TLE4: variants seen among roughly 807,000 people sequenced by gnomAD.
The protein encoded by TLE4 is TLE family member 4, transcriptional corepressor.
A neutral mutation model predicts 92.8 loss-of-function variants in TLE4; 8 were observed. That is an observed-to-expected ratio of 0.09 (90% CI 0.05 to 0.16). TLE4 has a LOEUF of 0.16. TLE4 is among the 10% of genes least tolerant of loss of function. The pLI, the probability that TLE4 is intolerant of heterozygous loss-of-function variation, is 1.00. For synonymous variants in TLE4, 371 were observed against 374.1 expected, an observed-to-expected ratio of 0.99 and a Z score of 0.10; for missense variants, 675 against 997.6, an observed-to-expected ratio of 0.68 and a Z score of 4.36.
chr9:79,628,906 GTGTA>G lies in TLE4; in HGVS notation c.390+1460_390+1463del, dbSNP rs570577021. On this transcript the variant is annotated intron_variant, in intron 6 of 19. Coordinates refer to ENST00000376552, the MANE Select transcript of TLE4 (RefSeq NM_007005.6). ...TGTGTGTGTGTGTGTGTGTGTGTGT[GTGTA>G]TATGTATAAACCAGCTGTGCTCCAT... is the stretch of plus-strand genomic sequence containing the variant. Among the ~76,000 whole-genome samples the G allele has an allele frequency of 6.1e-3, 905 of 148,132 alleles. 3 individuals are homozygous for G. The highest frequency in any genetic ancestry group is 7.9e-3 in the Non-Finnish European group (529 of 66,746).
rs184220887 is a variant in TLE4 at position 79,629,996 on chromosome 9, G to A, written c.390+2548G>A. ...GTCAGTTTTTAGATTTTTGTTACTT[G>A]GTTTTTAGAATGTAGTCAGCAGTGA... On this transcript the variant is annotated intron_variant, in intron 6 of 19. Transcript: ENST00000376552. Among the ~76,000 whole-genome samples, 691 of 152,142 alleles carry A rather than the reference G, an allele frequency of 4.5e-3. 5 individuals carry two copies. The highest frequency in any genetic ancestry group is 0.017 in the Middle Eastern group (5 of 294).
chr9:79,660,954 TG>T (rs2060452583), intron 8 of TLE4, among the ~76,000 whole-genome samples: 1 of 152,210 alleles, frequency 6.6e-6, no homozygotes, highest in Non-Finnish European at 1.5e-5. Flanking sequence ...CCAGCTGATT[TG>T]GCAAAATGGT....
chr9:79,618,321 T>C (rs2050136043), intron 5 of TLE4, among the ~76,000 whole-genome samples: 1 of 152,264 alleles, frequency 6.6e-6, no homozygotes, highest in Admixed American at 6.5e-5. Flanking sequence ...ACATAAGATA[T>C]AAAATAATGC....
At chr9:79,707,415 A>G (rs1355150046) in intron 11 of TLE4, among the ~76,000 whole-genome samples, 1 of 152,172 alleles carries the variant, frequency 6.6e-6, no homozygotes, top group Admixed American at 6.5e-5. Context: ...CCTGCACCCT[A>G]TTCTTCTGTG....
chr9:79,598,528 G>A (rs1171163578), intron 4 of TLE4, among the ~76,000 whole-genome samples: 1 of 152,094 alleles, frequency 6.6e-6, no homozygotes, highest in Non-Finnish European at 1.5e-5. Context: ...CAGGGAAATA[G>A]TCCTCTAAAA....
At chr9:79,693,426 T>C (rs2135578328) in intron 8 of TLE4, among the ~76,000 whole-genome samples, 1 of 152,310 alleles carries the variant, frequency 6.6e-6, no homozygotes, top group South Asian at 2.1e-4. Context: ...CTCAAATGTC[T>C]GTGACATGCC....
chr9:79,601,296 A>G, intron 4 of TLE4: 2 of 441,706 alleles, frequency 4.5e-6, no homozygotes, highest in Non-Finnish European at 9.2e-6. Flanking sequence ...AACTAAATAA[A>G]CCATATCAGA....
At chr9:79,641,518 C>T (rs1039371362) in intron 6 of TLE4, among the ~76,000 whole-genome samples, 1 of 152,194 alleles carries the variant, frequency 6.6e-6, no homozygotes, top group Non-Finnish European at 1.5e-5. Flanking sequence ...CCATTGCTCA[C>T]TGGATTCTCA....
chr9:79,640,766 G>A (rs935403724), intron 6 of TLE4, among the ~76,000 whole-genome samples: 9 of 151,972 alleles, frequency 5.9e-5, no homozygotes, highest in East Asian at 5.8e-4. Flanking sequence ...CCTACTAGCC[G>A]GTCTCCTGCC....
intron 6 of TLE4, among the ~76,000 whole-genome samples, chr9:79,643,727 C>T (rs1298710088): frequency 1.3e-5 from 2 of 152,118 alleles, no homozygotes; most frequent in Admixed American, 6.5e-5. Flanking sequence ...GCTAGGTGAT[C>T]CATGGGGTGA....
rs1189630984 is a variant in TLE4, at chr9:79,708,678, G to C, written c.1155G>C (p.Glu385Asp). 2.5e-6 allele frequency: 4 copies of C among 1,614,030 alleles called. No individual in the cohort carries two copies. In the Admixed American group the frequency reaches 5.0e-5, roughly 20 times the overall value. ...GIVPHAGMNG[E>D]LTSPGAAYAG... is the part of the protein sequence containing the mutation. ...TGCCCCATGCTGGAATGAACGGAGA[G>C]CTGACCAGCCCCGGAGCGGCCTACG... The change falls in exon 13 of 20, where the codon GAG becomes GAC. Residue 385 changes from glutamate (E) to aspartate (D), a missense_variant. Glu to Asp is a conservative substitution (Grantham distance 45). Around this residue, in one of 5 missense-constraint regions of TLE4, gnomAD observed 119 missense variants for 175.9 expected, o/e 0.68. Transcript: ENST00000376552.
At chr9:79,693,354 CT>C (rs1318605353) in intron 8 of TLE4, among the ~76,000 whole-genome samples, 2 of 152,166 alleles carry the variant, frequency 1.3e-5, no homozygotes, top group Non-Finnish European at 2.9e-5. Context: ...CCTCTCCAGT[CT>C]ACTCTCTATT....
intron 4 of TLE4, among the ~76,000 whole-genome samples, chr9:79,580,625 T>C (rs1052950226): frequency 6.6e-5 from 10 of 152,128 alleles, no homozygotes; most frequent in Non-Finnish European, 1.2e-4. Context: ...TTCTGTCTTA[T>C]TGTGTACTCT....
intron 8 of TLE4, among the ~76,000 whole-genome samples, chr9:79,659,135 G>A (rs573568482): frequency 1.3e-5 from 2 of 152,308 alleles, no homozygotes; most frequent in East Asian, 3.9e-4. Flanking sequence ...AGGTTTAGAA[G>A]TGTGAAGACC....
At chr9:79,574,770 T>C in intron 2 of TLE4, 103 bp from the exon 3 acceptor site, 1 of 924,810 alleles carries the variant, frequency 1.1e-6, no homozygotes, top group Non-Finnish European at 1.7e-6. Flanking sequence ...TTATTTAAGA[T>C]TGTTGATTTA....
intron 8 of TLE4, among the ~76,000 whole-genome samples, chr9:79,686,112 C>T (rs1169378603): frequency 6.6e-6 from 1 of 151,924 alleles, no homozygotes; most frequent in Admixed American, 6.6e-5. Flanking sequence ...TTAAAATATA[C>T]AGGAGGATGT....
At chr9:79,657,910 A>G (rs2059987774) in intron 8 of TLE4, among the ~76,000 whole-genome samples, 1 of 152,176 alleles carries the variant, frequency 6.6e-6, no homozygotes, top group Non-Finnish European at 1.5e-5. Flanking sequence ...CTTTTCATGT[A>G]TCTGCCTGGT....
At position 79,720,143 on chromosome 9, in the gene TLE4, C is replaced by A; in HGVS notation, c.1688C>A (p.Ala563Glu). The A allele has an allele frequency of 6.2e-7, 1 of 1,614,122 alleles. No homozygotes were observed. Among genetic ancestry groups the A allele is most frequent in the Non-Finnish European group, 8.5e-7 (1 of 1,180,016 alleles). ...AGTACTTTGTCCATTTGGGACCTGGCGGCTCCAACCCCACGCATCAAGGCA... is the reference window on the plus strand; with the variant it reads ...AGTACTTTGTCCATTTGGGACCTGGAGGCTCCAACCCCACGCATCAAGGCA... ...EASTLSIWDLAAPTPRIKAEL... is the reference protein window; with the variant it reads ...EASTLSIWDLEAPTPRIKAEL... The change falls in exon 16 of 20, where the codon GCG becomes GAG. Residue 563 changes from alanine to glutamate, a missense_variant. This residue lies in a region of TLE4 where 170 missense variants were observed against 359.6 expected (regional missense o/e 0.47). Transcript: ENST00000376552.
chr9:79,681,767 G>GGGAGGGA (rs2064664724), intron 8 of TLE4, among the ~76,000 whole-genome samples: 1 of 151,678 alleles, frequency 6.6e-6, no homozygotes, highest in Non-Finnish European at 1.5e-5. Flanking sequence ...GAGAAAGAGA[G>GGGAGGGA]GGAGGGAGGA....
Sources: allele counts gnomAD v4.1 joint callset (sites outside exome capture counted in the v4.1 genomes callset), GRCh38; gene constraint gnomAD v4.1.1; regional missense constraint gnomAD v4.1.1; transcripts MANE v1.5; gene names NCBI Gene and HGNC (gene_info 2026-07-23, HGNC 2026-07-21).